The following AUTS2 variants were observed in gnomAD, a reference collection of about 807,000 sequenced individuals.
The protein encoded by AUTS2 is activator of transcription and developmental regulator AUTS2.
In AUTS2, 17 loss-of-function variants were observed where a neutral mutation model predicts 112.4. The observed-to-expected ratio is 0.15, with a 90% CI of 0.10 to 0.23. The LOEUF is 0.23. AUTS2 is among the 10% of genes least tolerant of loss of function. AUTS2 has a pLI of 1.00. For missense variants in AUTS2, 1,510 were observed against 1,701.6 expected (o/e 0.89, Z 1.98); for synonymous variants, 751 against 702.7 (o/e 1.07, Z -1.09).
chr7:70,671,915 C>CA (rs1807665657), intron 5 of AUTS2, among the ~76,000 whole-genome samples: 1 of 152,034 alleles, frequency 6.6e-6, no homozygotes, highest in Non-Finnish European at 1.5e-5. Flanking sequence ...ATCAGGATAC[C>CA]AAAAAATATC....
intron 1 of AUTS2, among the ~76,000 whole-genome samples, chr7:69,878,971 G>A (rs1437665525): frequency 6.6e-6 from 1 of 152,192 alleles, no homozygotes; most frequent in Non-Finnish European, 1.5e-5. Flanking sequence ...CCACCTTAGG[G>A]TGGGAGAGCT....
intron 5 of AUTS2, among the ~76,000 whole-genome samples, chr7:70,524,545 T>C (rs1311490908): frequency 1.3e-5 from 2 of 152,192 alleles, no homozygotes; most frequent in East Asian, 3.9e-4. Context: ...GCCTGGAGGC[T>C]GCTTCCTCTC....
intron 4 of AUTS2, among the ~76,000 whole-genome samples, chr7:70,179,603 C>A (rs1037313607): frequency 6.6e-6 from 1 of 152,126 alleles, no homozygotes; most frequent in South Asian, 2.1e-4. Flanking sequence ...GTGAACTGGG[C>A]CCATATACTC....
chr7:69,899,314 G>A lies in AUTS2; in HGVS notation c.338G>A (p.Arg113His), dbSNP rs777840526. The change falls in exon 2 of 19, where the codon CGT becomes CAT. Residue 113 changes from arginine to histidine, a missense_variant. Transcript: ENST00000342771. The part of the protein sequence containing the change: ...EKDVALKPQE[R>H]VEKRQTPLTK... ...GATGTAGCACTTAAGCCTCAGGAAC[G>A]TGTGGAGAAACGCCAGACGCCCCTG... 9.3e-6 allele frequency: 15 copies of A among 1,613,714 alleles called. No homozygotes were observed. The highest frequency in any genetic ancestry group is 5.0e-5 in the Admixed American group (3 of 59,972).
chr7:70,115,812 A>G (rs1416747055), intron 2 of AUTS2, among the ~76,000 whole-genome samples: 1 of 152,200 alleles, frequency 6.6e-6, no homozygotes, highest in Non-Finnish European at 1.5e-5. Flanking sequence ...AAAATGTGTC[A>G]TAATTTAAAA....
intron 1 of AUTS2, among the ~76,000 whole-genome samples, chr7:69,793,247 T>C (rs537905260): frequency 2.0e-5 from 3 of 152,324 alleles, no homozygotes; most frequent in South Asian, 4.1e-4. Context: ...CTGTTTCCAC[T>C]GGAAACTCAT....
intron 8 of AUTS2, among the ~76,000 whole-genome samples, chr7:70,765,550 C>T (rs918849607): frequency 2.0e-5 from 3 of 152,106 alleles, no homozygotes; most frequent in East Asian, 1.9e-4. Flanking sequence ...TCAGGTCAAG[C>T]GTCCCAGTTT....
chr7:70,339,106 G>A (rs946771458), intron 4 of AUTS2, among the ~76,000 whole-genome samples: 1 of 151,606 alleles, frequency 6.6e-6, no homozygotes, highest in Non-Finnish European at 1.5e-5. Flanking sequence ...CTCGTGATCC[G>A]CCCGCCTCAG....
chr7:70,004,081 G>A (rs1289948870), intron 2 of AUTS2, among the ~76,000 whole-genome samples: 10 of 128,394 alleles, frequency 7.8e-5, no homozygotes, highest in African/African-American at 1.2e-4. Flanking sequence ...ATATATGAAT[G>A]TGTTATATGT....
At position 70,731,420 on chromosome 7, in the gene AUTS2, C is replaced by CTTTTTTTTTTT. The variant is rs56244002; in HGVS notation, c.743-31433_743-31423dup. The stretch of plus-strand genomic sequence containing the variant: ...GCTCATATATCCCCTTTACCCAGAT[C>CTTTTTTTTTTT]TTTTTTTTTTTTTTTTTTTTTTTTT... On this transcript the variant is annotated intron_variant, in intron 6 of 18. Transcript: ENST00000342771. 1.2e-4 allele frequency among the ~76,000 whole-genome samples: 8 copies of CTTTTTTTTTTT among 69,508 alleles called. 3 individuals are homozygous for CTTTTTTTTTTT. The highest frequency in any genetic ancestry group is 1.1e-3 in the East Asian group (2 of 1,798). The allele number at this position is 69,508 out of a possible 152,430, so 45.6% of individuals were successfully genotyped here.
At chr7:69,786,196 A>G (rs1789364417) in intron 1 of AUTS2, among the ~76,000 whole-genome samples, 2 of 151,906 alleles carry the variant, frequency 1.3e-5, no homozygotes, top group Non-Finnish European at 2.9e-5. Context: ...AAATGCACCA[A>G]TCAGCACTCT....
rs1160630157 is a variant in AUTS2, at chr7:69,899,174, T to C, written c.310-112T>C. 5.2e-6 allele frequency: 4 copies of C among 762,140 alleles called. No individual in the cohort carries two copies. The African/African-American group carries it at 7.0e-5, about 13-fold the overall frequency. 47.2% of individuals were successfully genotyped at this position (762,140 alleles called of 1,614,324 possible). A position where few individuals can be genotyped will look rare whatever the true frequency, so the allele number is the denominator to read the frequency against. On this transcript the variant is annotated intron_variant, in intron 1 of 18. Coordinates refer to ENST00000342771, the MANE Select transcript of AUTS2 (RefSeq NM_015570.4). ...TGGGTCTTCTCATATCCCACTTTCCTATCCCTCTCCCACTTAGTAGTAACA... is the reference window on the plus strand; with the variant it reads ...TGGGTCTTCTCATATCCCACTTTCCCATCCCTCTCCCACTTAGTAGTAACA...
intron 5 of AUTS2, among the ~76,000 whole-genome samples, chr7:70,491,938 G>A (rs1469058979): frequency 6.6e-6 from 1 of 152,096 alleles, no homozygotes; most frequent in Admixed American, 6.5e-5. Context: ...TATTTTAAAA[G>A]CACTCAGACC....
chr7:70,558,129 AGTT>A (rs1371855675), intron 5 of AUTS2, among the ~76,000 whole-genome samples: 12 of 152,104 alleles, frequency 7.9e-5, no homozygotes, highest in Non-Finnish European at 4.4e-5. Flanking sequence ...CTGTATCAGA[AGTT>A]GGAGTTCTGA....
chr7:70,606,603 G>A (rs758218548), intron 5 of AUTS2, among the ~76,000 whole-genome samples: 34 of 152,162 alleles, frequency 2.2e-4, no homozygotes, highest in Admixed American at 8.5e-4. Context: ...GCTCACGCCT[G>A]TAATCTCAGC....
chr7:70,516,453 A>G (rs2129493944), intron 5 of AUTS2, among the ~76,000 whole-genome samples: 1 of 152,312 alleles, frequency 6.6e-6, no homozygotes, highest in South Asian at 2.1e-4. Flanking sequence ...GGGATAAGAG[A>G]AAGACATTAG....
chr7:69,921,769 A>AT (rs1211865470), intron 2 of AUTS2, among the ~76,000 whole-genome samples: 1 of 150,318 alleles, frequency 6.7e-6, no homozygotes, highest in Non-Finnish European at 1.5e-5. Context: ...CTTTAAAAAA[A>AT]AAAAAAAAAA....
intron 2 of AUTS2, among the ~76,000 whole-genome samples, chr7:70,004,437 A>G (rs1470121629): frequency 1.7e-4 from 4 of 23,284 alleles, no homozygotes; most frequent in East Asian, 7.4e-3. Context: ...ATATATATAT[A>G]TAAAATGCCA....
intron 14 of AUTS2, among the ~76,000 whole-genome samples, chr7:70,778,491 A>C (rs1023486791): frequency 1.3e-5 from 2 of 151,586 alleles, no homozygotes; most frequent in Non-Finnish European, 2.9e-5. Context: ...AGTTCCAGTC[A>C]CTCTAGAGGC....
Sources: gnomAD v4.1 joint callset for allele counts (sites outside exome capture counted in the v4.1 genomes callset) on GRCh38, gnomAD v4.1.1 for gene constraint, MANE v1.5 for transcripts, NCBI Gene and HGNC (gene_info 2026-07-23, HGNC 2026-07-21) for gene names.